Variants in UROD observed in about 807,000 individuals in gnomAD.
UROD encodes uroporphyrinogen III decarboxylase.
Under a neutral mutation model 47.1 loss-of-function variants are expected in UROD, and 34 were observed. The observed-to-expected ratio is 0.72, with a 90% CI of 0.55 to 0.96. The LOEUF (loss-of-function observed/expected upper bound fraction) is 0.96. Among genes scored for constraint, UROD ranks in the 40% least tolerant of loss-of-function variants. UROD has a pLI of 0.00. For synonymous variants in UROD, 148 were observed against 175.8 expected (o/e 0.84, Z 1.25); for missense variants, 381 against 471.8 (o/e 0.81, Z 1.78).
Position 45,013,395 on chromosome 1 carries a change from G to T in UROD, c.276+41G>T. ...TGATCCTAGAATATAATCCAAGGACGCCTTGAAAATCCTTCTATCAGTCCA... is the reference window on the plus strand; with the variant it reads ...TGATCCTAGAATATAATCCAAGGACTCCTTGAAAATCCTTCTATCAGTCCA... On this transcript the variant is annotated intron_variant, in intron 4 of 9. Transcript: ENST00000246337. The surrounding 1 kb of genome is among the most constrained non-coding windows in gnomAD (Gnocchi z 4.2). The T allele has an allele frequency of 6.2e-7, 1 of 1,612,908 alleles. No individual in the cohort carries two copies. The highest frequency in any genetic ancestry group is 8.5e-7 in the Non-Finnish European group (1 of 1,178,920).
In UROD at chr1:45,014,247, C is replaced by CT. The variant is rs1238483424; in HGVS notation, c.636+178dup. ...GACACTGACAGTGGGGCTTAATGCT[C>CT]TAAGTATTCAGACACCAAAGTTAGT... On this transcript the variant is annotated intron_variant, in intron 6 of 9. Transcript: ENST00000246337. 3.1e-6 allele frequency: 4 copies of CT among 1,286,536 alleles called. No homozygotes were observed. The African/African-American group carries it at 4.4e-5, about 14-fold the overall frequency. 79.7% of individuals were successfully genotyped at this position (1,286,536 alleles called of 1,614,324 possible). A position where few individuals can be genotyped will look rare whatever the true frequency, so the allele number is the denominator to read the frequency against.
chr1:45,012,337 T>A, intron 1 of UROD, 52 bp downstream of exon 1: 1 of 1,613,842 alleles, frequency 6.2e-7, no homozygotes, highest in Middle Eastern at 1.7e-4. Context: ...AATTTGAGTC[T>A]TCCAACTCAG....
Position 45,014,013 on chromosome 1 carries a change from C to T in UROD, c.579C>T (p.Arg193=), listed in dbSNP as rs770562584. ...QRPQASHQLL[R]ILTDALVPYL... ...CTCAGGCTAGTCACCAGCTGCTTCG[C>T]ATCCTCACTGATGCTCTGGTCCCAT... Residue 193 remains arginine (R), a synonymous_variant, in exon 6 of 10, where the codon CGC becomes CGT. Transcript: ENST00000246337. 1.2e-5 allele frequency: 20 copies of T among 1,614,268 alleles called. No homozygotes were observed. The highest frequency in any genetic ancestry group is 1.1e-5 in the Non-Finnish European group (13 of 1,180,052).
Position 45,013,101 on chromosome 1 carries a change from C to T in UROD, c.134-35C>T, listed in dbSNP as rs746871580. On this transcript the variant is annotated intron_variant, in intron 2 of 9. Coordinates refer to ENST00000246337, the MANE Select transcript of UROD (RefSeq NM_000374.5). The surrounding 1 kb of genome is among the most constrained non-coding windows in gnomAD (Gnocchi z 4.2). Reference sequence around the variant, plus strand: ...GGGGCAGGGGAGGGCTCTGGAGGGCCTCAAGGCTGAGCCCTGTCTTCCCTC... The same window carrying T: ...GGGGCAGGGGAGGGCTCTGGAGGGCTTCAAGGCTGAGCCCTGTCTTCCCTC... 9 of 1,614,114 alleles carry T rather than the reference C, an allele frequency of 5.6e-6. No individual in the cohort carries two copies. In the South Asian group the frequency reaches 9.9e-5, roughly 18 times the overall value.
chr1:45,014,990 C>T lies in UROD; in HGVS notation c.926C>T (p.Ala309Val). Residue 309 changes from alanine to valine, a missense_variant, in exon 9 of 10, where the codon GCC becomes GTC. Physicochemically the swap from Ala to Val is moderately conservative, Grantham distance 64. Coordinates refer to ENST00000246337, the MANE Select transcript of UROD (RefSeq NM_000374.5). ...VTLQGNLDPC[A>V]LYASEEEIGQ... ...TTGCAGGGCAACCTGGACCCCTGTG[C>T]CTTGTATGCATCTGAGGTAACAGCC... is the stretch of plus-strand genomic sequence containing the variant. 1 of 1,613,858 alleles carries T rather than the reference C, an allele frequency of 6.2e-7. No individual in the cohort carries two copies.
rs1644822592 is a variant in UROD at position 45,013,488 on chromosome 1, G to A, written c.277-106G>A. 1.9e-6 allele frequency: 3 copies of A among 1,602,882 alleles called. No homozygotes were observed. In the East Asian group the frequency reaches 6.7e-5, roughly 36 times the overall value. On this transcript the variant is annotated intron_variant, in intron 4 of 9. Coordinates refer to ENST00000246337, the MANE Select transcript of UROD (RefSeq NM_000374.5). The surrounding 1 kb of genome is among the most constrained non-coding windows in gnomAD (Gnocchi z 4.2). ...AAAAACTAAGGTTGAAAGAAATGGA[G>A]TTTGGCAGAGTTTTATTCTCCTTTT...
chr1:45,013,959 T>C lies in UROD; in HGVS notation c.525T>C (p.Ala175=). ...AGGGTGGTGGCTCAAGCACCATGGCTCAGGCCAAGCGCTGGCTCTATCAGA... is the reference window on the plus strand; with the variant it reads ...AGGGTGGTGGCTCAAGCACCATGGCCCAGGCCAAGCGCTGGCTCTATCAGA... ...MVEGGGSSTM[A]QAKRWLYQRP... Residue 175 remains alanine (A), a synonymous_variant, in exon 6 of 10, where the codon GCT becomes GCC. Coordinates refer to ENST00000246337, the MANE Select transcript of UROD (RefSeq NM_000374.5). This position sits in a 1 kb window ranked among gnomAD's most constrained non-coding sequence, Gnocchi z 4.2. 1 of 1,614,222 alleles carries C rather than the reference T, an allele frequency of 6.2e-7. No individual in the cohort carries two copies. Among genetic ancestry groups the C allele is most frequent in the Non-Finnish European group, 8.5e-7 (1 of 1,180,046 alleles).
At chr1:45,014,617 G>A in intron 7 of UROD, 41 bp downstream of exon 7, 1 of 1,613,994 alleles carries the variant, frequency 6.2e-7, no homozygotes, top group Non-Finnish European at 8.5e-7. Context: ...GTCCTGTGGA[G>A]CTTTCAGGCT....
At position 45,014,956 on chromosome 1, in the gene UROD, A is replaced by T; in HGVS notation, c.892A>T (p.Thr298Ser). 1 of 1,614,054 alleles carries T rather than the reference A, an allele frequency of 6.2e-7. No homozygotes were observed. Among genetic ancestry groups the T allele is most frequent in the Non-Finnish European group, 8.5e-7 (1 of 1,179,978 alleles). The change falls in exon 9 of 10, where the codon ACG (threonine) becomes TCG (serine). Residue 298 changes from threonine (T) to serine (S), a missense_variant. Physicochemically the swap from Thr to Ser is moderately conservative, Grantham distance 58. Coordinates refer to ENST00000246337, the MANE Select transcript of UROD (RefSeq NM_000374.5). ...PKKARECVGKTVTLQGNLDPC... is the reference protein window; with the variant it reads ...PKKARECVGKSVTLQGNLDPC... ...TGCTTCCAGGGAGTGTGTGGGGAAG[A>T]CGGTGACATTGCAGGGCAACCTGGA... is the stretch of plus-strand genomic sequence containing the variant.
In UROD at chr1:45,014,926, G is replaced by T. The variant is rs1160762720; in HGVS notation, c.876-14G>T. The T allele has an allele frequency of 6.2e-7, 1 of 1,614,056 alleles. No individual in the cohort carries two copies. Among genetic ancestry groups the T allele is most frequent in the African/African-American group, 1.3e-5 (1 of 74,900 alleles). On this transcript the variant is annotated splice_polypyrimidine_tract_variant and intron_variant, in intron 8 of 9. Transcript: ENST00000246337. The stretch of plus-strand genomic sequence containing the variant: ...TATGCAGTTACCAGAACGTGGCGCT[G>T]GCTTTGCTTCCAGGGAGTGTGTGGG...
In UROD at chr1:45,015,567, G is replaced by A. The variant is rs762532188; in HGVS notation, c.*69G>A. The A allele has an allele frequency of 2.1e-5, 34 of 1,610,878 alleles. No individual in the cohort carries two copies. The highest frequency in any genetic ancestry group is 2.7e-5 in the Non-Finnish European group (32 of 1,178,914). On this transcript the variant is annotated 3_prime_UTR_variant, in exon 10 of 10. Transcript: ENST00000246337. ...TCGTTTCCAGGACAATAAAAGTTTC[G>A]GAGTTGAACTATTGTGTAGTTTTGT...
chr1:45,012,561 C>T, intron 1 of UROD: 2 of 619,110 alleles, frequency 3.2e-6, no homozygotes, highest in Non-Finnish European at 2.8e-6. Flanking sequence ...TTTCTCAGCC[C>T]CTGAACCAGC....
Position 45,013,448 on chromosome 1 carries a change from T to G in UROD, c.276+94T>G. The stretch of plus-strand genomic sequence containing the variant: ...CAAGGTTTACAATAAGCACTTATCC[T>G]AACTGGATCGAGGGAAAAACTAAGG... On this transcript the variant is annotated intron_variant, in intron 4 of 9. Transcript: ENST00000246337. This position sits in a 1 kb window ranked among gnomAD's most constrained non-coding sequence, Gnocchi z 4.2. 1 of 1,605,690 alleles carries G rather than the reference T, an allele frequency of 6.2e-7. No individual in the cohort carries two copies. The highest frequency in any genetic ancestry group is 8.5e-7 in the Non-Finnish European group (1 of 1,172,500).
chr1:45,012,931 G>A lies in UROD; in HGVS notation c.45G>A (p.Lys15=). Residue 15 remains lysine, a synonymous_variant, in exon 2 of 10, where the codon AAG becomes AAA. Transcript: ENST00000246337. ...GACCTCAGGGTTTTCCGGAGCTGAA[G>A]AATGACACATTCCTGCGAGCAGCCT... ...GLGPQGFPEL[K]NDTFLRAAWG... The A allele has an allele frequency of 6.2e-7, 1 of 1,613,714 alleles. No homozygotes were observed. Among genetic ancestry groups the A allele is most frequent in the Non-Finnish European group, 8.5e-7 (1 of 1,179,908 alleles).
intron 1 of UROD, 149 bp downstream of exon 1, chr1:45,012,434 G>C (rs1334762208): frequency 1.7e-6 from 2 of 1,163,842 alleles, no homozygotes; most frequent in Non-Finnish European, 2.5e-6. Context: ...CTAAAACCAT[G>C]GATTTTTGAG....
rs1227012557 is a variant in UROD at position 45,012,909 on chromosome 1, C to CTCAG, written c.24_27dup (p.Gly10SerfsTer9). On this transcript the variant is annotated frameshift_variant, in exon 2 of 10. Coordinates refer to ENST00000246337, the MANE Select transcript of UROD (RefSeq NM_000374.5). LOFTEE classifies it high-confidence loss of function. ...CCCCACCCCCACCTGATCGCCAGAC[C>CTCAG]TCAGGGTTTTCCGGAGCTGAAGAAT... 6.2e-7 allele frequency: 1 copy of CTCAG among 1,613,652 alleles called. No homozygotes were observed.
rs1251680332 is a variant in UROD at position 45,015,422 on chromosome 1, C to T, written c.1028C>T (p.Pro343Leu). The change falls in exon 10 of 10, where the codon CCT becomes CTT. Residue 343 changes from proline (P) to leucine (L), a missense_variant. By Grantham distance (98) the Pro-to-Leu change is moderately conservative. Transcript: ENST00000246337. Reference sequence around the variant, plus strand: ...GCCAACCTGGGCCATGGGCTTTATCCTGACATGGACCCAGAACATGTGGGC... The same window carrying T: ...GCCAACCTGGGCCATGGGCTTTATCTTGACATGGACCCAGAACATGTGGGC... ...YIANLGHGLY[P>L]DMDPEHVGAF... The T allele has an allele frequency of 6.2e-7, 1 of 1,614,204 alleles. No homozygotes were observed. Among genetic ancestry groups the T allele is most frequent in the South Asian group, 1.1e-5 (1 of 91,080 alleles).
In UROD at chr1:45,013,457, C is replaced by T. The variant is rs1467345197; in HGVS notation, c.276+103C>T. 16 of 1,602,886 alleles carry T rather than the reference C, an allele frequency of 1.0e-5. No individual in the cohort carries two copies. Among genetic ancestry groups the T allele is most frequent in the Non-Finnish European group, 1.3e-5 (15 of 1,170,330 alleles). On this transcript the variant is annotated intron_variant, in intron 4 of 9. Transcript: ENST00000246337. The surrounding 1 kb of genome is among the most constrained non-coding windows in gnomAD (Gnocchi z 4.2). ...CAATAAGCACTTATCCTAACTGGAT[C>T]GAGGGAAAAACTAAGGTTGAAAGAA...
chr1:45,013,914 C>T lies in UROD; in HGVS notation c.480C>T (p.Thr160=), dbSNP rs1189856533. 1 of 1,614,080 alleles carries T rather than the reference C, an allele frequency of 6.2e-7. No individual in the cohort carries two copies. Among genetic ancestry groups the T allele is most frequent in the African/African-American group, 1.3e-5 (1 of 74,932 alleles). Residue 160 remains threonine (T), a synonymous_variant, in exon 6 of 10, where the codon ACC becomes ACT. Transcript: ENST00000246337. The surrounding 1 kb of genome is among the most constrained non-coding windows in gnomAD (Gnocchi z 4.2). ...PLIGFAGAPW[T]LMTYMVEGGG... ...ATCTTTCTATCCTTCTCTAGTGGAC[C>T]CTGATGACATACATGGTTGAGGGTG...
Sources: allele counts gnomAD v4.1 joint callset, GRCh38; gene constraint gnomAD v4.1.1; non-coding constraint Gnocchi (gnomAD v3.1); transcripts MANE v1.5; gene names NCBI Gene and HGNC (gene_info 2026-07-23, HGNC 2026-07-21).